Variants in CREB5 observed in about 807,000 individuals in gnomAD.
The protein encoded by CREB5 is cyclic AMP-responsive element-binding protein 5.
A neutral mutation model predicts 57.1 loss-of-function variants in CREB5; 19 were observed. That is an observed-to-expected ratio of 0.33 (90% confidence interval 0.23 to 0.49). CREB5 has a LOEUF of 0.49. CREB5 is among the 20% of genes least tolerant of loss of function. The pLI, the probability that CREB5 is intolerant of heterozygous loss-of-function variation, is 0.99. For missense variants in CREB5, 579 were observed against 671.6 expected (o/e 0.86, Z 1.52); for synonymous variants, 238 against 238.3 (o/e 1.00, Z 0.01).
chr7:28,778,772 A>G (rs1806805512), intron 7 of CREB5, among the ~76,000 whole-genome samples: 1 of 152,242 alleles, frequency 6.6e-6, no homozygotes, highest in African/African-American at 2.4e-5. Context: ...AATTAAATAC[A>G]ATGAAAAAGA....
rs542706408 is a variant in CREB5 at position 28,358,597 on chromosome 7, C to T, written c.-25+59156C>T. On this transcript the variant is annotated intron_variant, in intron 1 of 9. Coordinates refer to the CREB5 transcript ENST00000396299. ...GAACTTTTGTTTTGCTTTTAAGTCA[C>T]GAACATCCCAGCTGTCGAAGTCTTT... is the stretch of plus-strand genomic sequence containing the variant. Among the ~76,000 whole-genome samples, 437 of 152,294 alleles carry T rather than the reference C, an allele frequency of 2.9e-3. 1 individual carries two copies. The highest frequency in any genetic ancestry group is 9.0e-3 in the African/African-American group (376 of 41,570).
chr7:28,308,299 A>G (rs1168340649), intron 1 of CREB5, among the ~76,000 whole-genome samples: 1 of 152,216 alleles, frequency 6.6e-6, no homozygotes, highest in Admixed American at 6.5e-5. Context: ...GAAAAATTTC[A>G]GTTCAAAATT....
chr7:28,408,744 T>C (rs1787645941), upstream of CREB5, among the ~76,000 whole-genome samples: 1 of 152,000 alleles, frequency 6.6e-6, no homozygotes, highest in African/African-American at 2.4e-5. Flanking sequence ...ATAAGGAAGT[T>C]ATTCTCCTGG....
intron 7 of CREB5, among the ~76,000 whole-genome samples, chr7:28,792,497 C>T (rs1279806023): frequency 6.6e-6 from 1 of 152,172 alleles, no homozygotes; most frequent in Non-Finnish European, 1.5e-5. Flanking sequence ...AAAGTTGCTC[C>T]TCATTTTTTG....
chr7:28,706,937 G>T lies in CREB5; in HGVS notation c.465-11816G>T, dbSNP rs558254576. Among the ~76,000 whole-genome samples the T allele has an allele frequency of 9.2e-5, 14 of 152,306 alleles. No individual in the cohort carries two copies. In the South Asian group the frequency reaches 2.7e-3, roughly 29 times the overall value. On this transcript the variant is annotated intron_variant, in intron 5 of 10. Coordinates refer to ENST00000357727, the MANE Select transcript of CREB5 (RefSeq NM_182898.4). ...GAAATAAGAGATAGTGGACCATGAG[G>T]TAACGTTGTTAAGTCTGTTAAGAAA...
intron 1 of CREB5, among the ~76,000 whole-genome samples, chr7:28,328,825 A>G (rs1299494951): frequency 6.6e-6 from 1 of 152,226 alleles, no homozygotes; most frequent in Non-Finnish European, 1.5e-5. Flanking sequence ...AAATTCAGCT[A>G]TGATGGGTCA....
chr7:28,576,073 G>T (rs952992677), intron 5 of CREB5, among the ~76,000 whole-genome samples: 3 of 152,186 alleles, frequency 2.0e-5, no homozygotes, highest in African/African-American at 7.2e-5. Flanking sequence ...CCCAGCTCTC[G>T]TCTTCGAATC....
intron 8 of CREB5, among the ~76,000 whole-genome samples, chr7:28,804,914 G>A (rs1808618533): frequency 6.6e-6 from 1 of 152,168 alleles, no homozygotes; most frequent in Non-Finnish European, 1.5e-5. Context: ...CCTGGTTCTA[G>A]CTGCTATGTT....
intron 1 of CREB5, among the ~76,000 whole-genome samples, chr7:28,475,395 A>G (rs536005682): frequency 6.7e-6 from 1 of 149,304 alleles, no homozygotes; most frequent in Non-Finnish European, 1.5e-5. Flanking sequence ...ACATAGTGAG[A>G]CCCCATCTCT....
chr7:28,366,098 CT>C (rs1292637613), intron 1 of CREB5, among the ~76,000 whole-genome samples: 1 of 152,020 alleles, frequency 6.6e-6, no homozygotes, highest in Non-Finnish European at 1.5e-5. Flanking sequence ...ACATTGTTTC[CT>C]TTTTCCTTAA....
intron 7 of CREB5, among the ~76,000 whole-genome samples, chr7:28,737,592 T>TA (rs1804104937): frequency 7.4e-6 from 1 of 134,526 alleles, no homozygotes. Context: ...TATATATTTT[T>TA]AACTCCTGTT....
intron 1 of CREB5, among the ~76,000 whole-genome samples, chr7:28,374,972 C>T (rs1051745742): frequency 3.3e-5 from 5 of 152,156 alleles, no homozygotes; most frequent in Admixed American, 2.6e-4. Context: ...TGACATCTAT[C>T]AGTTGGCTCT....
intron 1 of CREB5, among the ~76,000 whole-genome samples, chr7:28,453,630 C>A (rs1206782662): frequency 1.3e-5 from 2 of 152,228 alleles, no homozygotes; most frequent in African/African-American, 4.8e-5. Flanking sequence ...ATCCCTGATC[C>A]TTGCCCACTA....
In CREB5 at chr7:28,658,953, GTATATATA is replaced by G. The variant is rs72106956; in HGVS notation, c.465-59780_465-59773del. Among the ~76,000 whole-genome samples the G allele has an allele frequency of 2.6e-3, 263 of 99,602 alleles. 8 individuals carry two copies. Among genetic ancestry groups the G allele is most frequent in the African/African-American group, 6.8e-3 (207 of 30,484 alleles). The allele number at this position is 99,602 out of a possible 152,430, so 65.3% of individuals were successfully genotyped here. On this transcript the variant is annotated intron_variant, in intron 5 of 10. Transcript: ENST00000357727. ...CACTAAATATTATATGTGTGTGTGT[GTATATATA>G]TATATATATATATATATATGTATAT...
intron 4 of CREB5, among the ~76,000 whole-genome samples, chr7:28,565,720 A>G (rs894194771): frequency 6.6e-6 from 1 of 152,174 alleles, no homozygotes; most frequent in East Asian, 1.9e-4. Context: ...CAGGAGTTCA[A>G]GACCAGCTTG....
At chr7:28,536,171 T>G (rs1254148588) in intron 4 of CREB5, among the ~76,000 whole-genome samples, 1 of 152,200 alleles carries the variant, frequency 6.6e-6, no homozygotes, top group Non-Finnish European at 1.5e-5. Context: ...AAAAGCACCT[T>G]GAGCCTATAA....
intron 5 of CREB5, among the ~76,000 whole-genome samples, chr7:28,611,895 A>G (rs160373): frequency 0.2 from 30,211 of 152,014 alleles, 3,623 homozygotes; most frequent in Non-Finnish European, 0.27. Flanking sequence ...TATGTAAATT[A>G]TAACTTGACA....
intron 1 of CREB5, among the ~76,000 whole-genome samples, chr7:28,340,695 C>T (rs747987281): frequency 6.6e-6 from 1 of 152,214 alleles, no homozygotes; most frequent in Non-Finnish European, 1.5e-5. Flanking sequence ...CCCAGCACAG[C>T]ACCAGGACTT....
chr7:28,464,713 A>ATT (rs1790492864), intron 1 of CREB5, among the ~76,000 whole-genome samples: 2 of 150,630 alleles, frequency 1.3e-5, no homozygotes, highest in African/African-American at 5.0e-5. Flanking sequence ...TTATTTTTAA[A>ATT]AAAAAAAAAA....
Sources: gnomAD v4.1 joint callset for allele counts (sites outside exome capture counted in the v4.1 genomes callset) on GRCh38, gnomAD v4.1.1 for gene constraint, MANE v1.5 for transcripts, NCBI Gene and HGNC (gene_info 2026-07-23, HGNC 2026-07-21) for gene names.